The following BBS9 variants were observed in gnomAD, a reference collection of about 807,000 sequenced individuals.
BBS9 encodes Bardet-Biedl syndrome 9.
Under a neutral mutation model 117.7 loss-of-function variants are expected in BBS9, and 89 were observed. The ratio of observed to expected loss-of-function variants is 0.76; its 90% CI spans 0.64 to 0.90. BBS9 has a LOEUF of 0.90. BBS9 is among the 40% of genes least tolerant of loss of function. The probability of loss-of-function intolerance (pLI) is 0.00; values close to 1 mark genes in which losing one functional copy is unlikely to be tolerated. For missense variants in BBS9, 982 were observed against 1,042.2 expected, an observed-to-expected ratio of 0.94 and a Z score of 0.80; for synonymous variants, 379 against 370.9, an observed-to-expected ratio of 1.02 and a Z score of -0.25.
chr7:33,543,017 G>GT (rs1433067866), intron 21 of BBS9, among the ~76,000 whole-genome samples: 2 of 152,064 alleles, frequency 1.3e-5, no homozygotes, highest in Non-Finnish European at 2.9e-5. Context: ...TCTACTTTTA[G>GT]TTTTTTAAGG....
intron 4 of BBS9, among the ~76,000 whole-genome samples, chr7:33,166,649 G>C (rs1411817638): frequency 6.6e-6 from 1 of 152,242 alleles, no homozygotes. Flanking sequence ...GGCTCCATGG[G>C]CGTGGGACCC....
chr7:33,507,803 A>G (rs1846362672), intron 20 of BBS9, among the ~76,000 whole-genome samples: 1 of 152,208 alleles, frequency 6.6e-6, no homozygotes. Flanking sequence ...CTAGTGCATA[A>G]TGAATACTTG....
intron 19 of BBS9, among the ~76,000 whole-genome samples, chr7:33,492,203 G>GAAAAAAAAAAAAAAAAAAAAAAAA (rs138972197): frequency 1.4e-5 from 1 of 72,420 alleles, no homozygotes; most frequent in African/African-American, 6.5e-5. Flanking sequence ...ATTCCACCTC[G>GAAAAAAAAAAAAAAAAAAAAAAAA]AAAAAAAAAA....
Position 33,336,439 on chromosome 7 carries a change from A to G in BBS9, c.1017-2A>G. On this transcript the variant is annotated splice_acceptor_variant, in intron 9 of 22. Transcript: ENST00000242067. LOFTEE classifies it high-confidence loss of function. The stretch of plus-strand genomic sequence containing the variant: ...TGTCTCATTTTCTCTTCCTTATTGT[A>G]GTGATTTAAAGGGAGTGATAGTCAC... 1 of 1,611,548 alleles carries G rather than the reference A, an allele frequency of 6.2e-7. No individual in the cohort carries two copies. Among genetic ancestry groups the G allele is most frequent in the Non-Finnish European group, 8.5e-7 (1 of 1,177,912 alleles).
intron 18 of BBS9, among the ~76,000 whole-genome samples, chr7:33,386,605 C>T (rs939397832): frequency 6.6e-6 from 1 of 152,018 alleles, no homozygotes; most frequent in Non-Finnish European, 1.5e-5. Context: ...ATTCTCCTGC[C>T]TCAGCCTCCT....
intron 20 of BBS9, among the ~76,000 whole-genome samples, chr7:33,527,719 A>C (rs1244809501): frequency 6.6e-6 from 1 of 151,980 alleles, no homozygotes; most frequent in East Asian, 1.9e-4. Context: ...TGCGTCGCTC[A>C]CGCTGGGAGC....
At chr7:33,226,265 T>G (rs1469210464) in intron 5 of BBS9, among the ~76,000 whole-genome samples, 2 of 152,320 alleles carry the variant, frequency 1.3e-5, no homozygotes, top group East Asian at 3.9e-4. Flanking sequence ...CTATTAACAT[T>G]GGAGATGATT....
At chr7:33,152,592 AT>A in intron 2 of BBS9, 108 bp from the exon 3 acceptor site, 9 of 1,079,564 alleles carry the variant, frequency 8.3e-6, no homozygotes, top group Non-Finnish European at 1.2e-5. Context: ...GCAAGACTGA[AT>A]TCTTTTAATT....
intron 17 of BBS9, chr7:33,380,547 T>G (rs1474810499): frequency 1.3e-5 from 2 of 152,308 alleles, no homozygotes; most frequent in Non-Finnish European, 2.9e-5. Context: ...GGTGTAGGCC[T>G]CTATGGGGGA....
At chr7:33,522,871 A>G (rs1274033345) in intron 20 of BBS9, among the ~76,000 whole-genome samples, 1 of 151,072 alleles carries the variant, frequency 6.6e-6, no homozygotes, top group Non-Finnish European at 1.5e-5. Context: ...TAGGGTTTTT[A>G]TGGTTTTAGG....
chr7:33,288,998 AT>A (rs1803462109), intron 9 of BBS9, among the ~76,000 whole-genome samples: 1 of 152,216 alleles, frequency 6.6e-6, no homozygotes, highest in Non-Finnish European at 1.5e-5. Context: ...GAAAAGCAGA[AT>A]ACGGTAGGTC....
At position 33,174,665 on chromosome 7, in the gene BBS9, A is replaced by G. The variant is rs575980787; in HGVS notation, c.329-2813A>G. 4.6e-5 allele frequency among the ~76,000 whole-genome samples: 7 copies of G among 152,366 alleles called. No individual in the cohort carries two copies. In the South Asian group the frequency reaches 1.4e-3, roughly 32 times the overall value. On this transcript the variant is annotated intron_variant, in intron 4 of 22. Transcript: ENST00000242067. ...TACACTTCCATTTATGTTATAGTTCATTATGTACAGAAAAACCTTTAGGCT... is the reference window on the plus strand; with the variant it reads ...TACACTTCCATTTATGTTATAGTTCGTTATGTACAGAAAAACCTTTAGGCT...
chr7:33,471,417 T>C (rs2392237), intron 19 of BBS9, among the ~76,000 whole-genome samples: 151,442 of 152,348 alleles, frequency 0.99, 75,270 homozygotes, highest in East Asian at 1. Flanking sequence ...AGAGTCAGAG[T>C]ATCATTAGAA....
chr7:33,619,867 G>A (rs1450569216), intron 21 of BBS9, among the ~76,000 whole-genome samples: 1 of 152,046 alleles, frequency 6.6e-6, no homozygotes, highest in Non-Finnish European at 1.5e-5. Flanking sequence ...TAAGAGGAAA[G>A]TTTATAGCAA....
chr7:33,335,323 A>G (rs892882715), intron 9 of BBS9, among the ~76,000 whole-genome samples: 3 of 152,180 alleles, frequency 2.0e-5, no homozygotes, highest in South Asian at 4.1e-4. Flanking sequence ...TTGCCTCTTC[A>G]AGTAGCTGGG....
rs1018623124 is a variant in BBS9 at position 33,520,508 on chromosome 7, T to G, written c.2299-13446T>G. On this transcript the variant is annotated intron_variant, in intron 20 of 22. Coordinates refer to ENST00000242067, the MANE Select transcript of BBS9 (RefSeq NM_198428.3). ...TGGCAAGGAAAATATTGTCCTGGTT[T>G]TTTACTGATGAGGGAACTGAGATAC... 5.3e-5 allele frequency among the ~76,000 whole-genome samples: 8 copies of G among 152,320 alleles called. No individual in the cohort carries two copies. The South Asian group carries it at 1.4e-3, about 28-fold the overall frequency.
Position 33,282,007 on chromosome 7 carries a change from A to C in BBS9, c.1016+8051A>C, listed in dbSNP as rs150155420. On this transcript the variant is annotated intron_variant, in intron 9 of 22. Transcript: ENST00000242067. ...TTAAAAAAAAATTTGTAGAGATAGG[A>C]TCTCCCTATGTTGCCAGATTGGTCT... Among the ~76,000 whole-genome samples the C allele has an allele frequency of 8.8e-3, 1,325 of 151,102 alleles. 16 individuals carry two copies. Among genetic ancestry groups the C allele is most frequent in the South Asian group, 0.044 (211 of 4,780 alleles).
intron 5 of BBS9, among the ~76,000 whole-genome samples, chr7:33,188,079 A>AGTGTGTGTGTGTGTGTGTGTGT (rs1562762988): frequency 1.9e-5 from 1 of 51,906 alleles, no homozygotes; most frequent in Non-Finnish European, 4.0e-5. Context: ...TAGTTGAGTG[A>AGTGTGTGTGTGTGTGTGTGTGT]ATGTGTGTGT....
At chr7:33,178,882 A>G (rs1267785561) in intron 5 of BBS9, among the ~76,000 whole-genome samples, 1 of 152,102 alleles carries the variant, frequency 6.6e-6, no homozygotes, top group African/African-American at 2.4e-5. Context: ...GCAAATAAAT[A>G]TTTTGCATAA....
Sources: allele counts gnomAD v4.1 joint callset (sites outside exome capture counted in the v4.1 genomes callset), GRCh38; gene constraint gnomAD v4.1.1; transcripts MANE v1.5; gene names NCBI Gene and HGNC (gene_info 2026-07-23, HGNC 2026-07-21).